PDE1A: variants seen among roughly 807,000 people sequenced by gnomAD.
PDE1A encodes phosphodiesterase 1A.
PDE1A carries 35 observed loss-of-function variants against 61.7 expected under a neutral mutation model. The observed-to-expected ratio is 0.57, with a 90% CI of 0.43 to 0.75. PDE1A has a LOEUF of 0.75. Ranked by LOEUF, PDE1A falls within the 30% of genes least tolerant of loss-of-function variation. The probability of loss-of-function intolerance (pLI) is 0.00; values close to 1 mark genes in which losing one functional copy is unlikely to be tolerated. For synonymous variants in PDE1A, 232 were observed against 213.2 expected (o/e 1.09, Z -0.77); for missense variants, 597 against 630.6 (o/e 0.95, Z 0.57).
intron 1 of PDE1A, among the ~76,000 whole-genome samples, chr2:182,318,447 C>T (rs1443116836): frequency 1.3e-5 from 2 of 152,096 alleles, no homozygotes; most frequent in Non-Finnish European, 2.9e-5. Context: ...TTTCAATATC[C>T]TTCATTTAGA....
chr2:182,168,541 A>C (rs1691818581), intron 13 of PDE1A, among the ~76,000 whole-genome samples: 1 of 151,962 alleles, frequency 6.6e-6, no homozygotes, highest in Non-Finnish European at 1.5e-5. Flanking sequence ...TTATAACTCA[A>C]CTTATTTTTT....
intron 2 of PDE1A, among the ~76,000 whole-genome samples, chr2:182,448,733 T>C (rs879833747): frequency 6.6e-6 from 1 of 152,088 alleles, no homozygotes; most frequent in African/African-American, 2.4e-5. Context: ...GTTTGATGGA[T>C]AAAATCTAAA....
chr2:182,445,751 G>C (rs1247111558), intron 2 of PDE1A, among the ~76,000 whole-genome samples: 4 of 152,012 alleles, frequency 2.6e-5, no homozygotes, highest in African/African-American at 9.7e-5. Flanking sequence ...AAATATTGTT[G>C]TTTTTTCCAT....
chr2:182,704,211 GA>G, the PDE1A span, among the ~76,000 whole-genome samples: 18 of 120,196 alleles, frequency 1.5e-4, no homozygotes, highest in Admixed American at 5.8e-4. Context: ...ACTCCGTCTG[GA>G]AAAAAAAAAA....
intron 2 of PDE1A, among the ~76,000 whole-genome samples, chr2:182,492,830 A>G (rs909466052): frequency 6.6e-6 from 1 of 152,202 alleles, no homozygotes; most frequent in African/African-American, 2.4e-5. Context: ...ATAAAGTCTG[A>G]TTCTCAGAAA....
downstream of PDE1A, among the ~76,000 whole-genome samples, chr2:182,167,610 C>G (rs1345143172): frequency 1.3e-5 from 2 of 152,092 alleles, no homozygotes; most frequent in Non-Finnish European, 2.9e-5. Context: ...TACCCTTTCC[C>G]TCTTCGAAGA....
chr2:182,160,238 T>C (rs752522057), intron 13 of PDE1A, among the ~76,000 whole-genome samples: 19 of 152,170 alleles, frequency 1.2e-4, no homozygotes, highest in Non-Finnish European at 2.1e-4. Flanking sequence ...TTTATGTTTT[T>C]GGCTTTTCTT....
At chr2:182,496,547 C>T (rs1233536011) in intron 2 of PDE1A, among the ~76,000 whole-genome samples, 1 of 152,182 alleles carries the variant, frequency 6.6e-6, no homozygotes, top group Admixed American at 6.5e-5. Flanking sequence ...AAATCTATAT[C>T]CCTGGGCCAT....
At chr2:182,542,582 T>A in the PDE1A span, among the ~76,000 whole-genome samples, 9 of 152,220 alleles carry the variant, frequency 5.9e-5, 1 homozygote, top group Non-Finnish European at 7.3e-5. Flanking sequence ...TTAAATTTTT[T>A]ATAAATCTCA....
the PDE1A span, among the ~76,000 whole-genome samples, chr2:182,641,687 C>A: frequency 6.6e-6 from 1 of 152,106 alleles, no homozygotes; most frequent in African/African-American, 2.4e-5. Flanking sequence ...ATTTTACAAC[C>A]CGAATAATGA....
chr2:182,150,799 G>A (rs1690737533), intron 13 of PDE1A, among the ~76,000 whole-genome samples: 1 of 152,080 alleles, frequency 6.6e-6, no homozygotes, highest in African/African-American at 2.4e-5. Flanking sequence ...CTTTTAGATT[G>A]CAATTTAAGC....
the PDE1A span, among the ~76,000 whole-genome samples, chr2:182,541,283 G>C: frequency 6.6e-6 from 1 of 152,182 alleles, no homozygotes; most frequent in Admixed American, 6.5e-5. Context: ...ACTGGGTTCA[G>C]GTTCTGGCCC....
At chr2:182,378,730 C>T (rs1218927363) in intron 1 of PDE1A, among the ~76,000 whole-genome samples, 7 of 152,132 alleles carry the variant, frequency 4.6e-5, no homozygotes, top group Non-Finnish European at 8.8e-5. Context: ...AAAATGCTAC[C>T]ATATATGACT....
the PDE1A span, among the ~76,000 whole-genome samples, chr2:182,560,782 T>C: frequency 2.0e-5 from 3 of 151,908 alleles, no homozygotes; most frequent in African/African-American, 7.2e-5. Context: ...GGTATCTCAT[T>C]GTGGTTTTGA....
chr2:182,655,987 C>T, the PDE1A span, among the ~76,000 whole-genome samples: 524 of 152,342 alleles, frequency 3.4e-3, 5 homozygotes, highest in Middle Eastern at 6.8e-3. Flanking sequence ...TCACAGTGTC[C>T]TGATTGATGG....
the PDE1A span, among the ~76,000 whole-genome samples, chr2:182,589,817 G>A: frequency 2.0e-5 from 3 of 152,114 alleles, no homozygotes; most frequent in African/African-American, 7.2e-5. Context: ...CACAAGCCTG[G>A]TCAATGGAAG....
the PDE1A span, among the ~76,000 whole-genome samples, chr2:182,700,721 C>CAAAAAAAAAAAA: frequency 0.017 from 416 of 23,964 alleles, 54 homozygotes; most frequent in East Asian, 0.065. Context: ...GACTCCATCT[C>CAAAAAAAAAAAA]AAAAAAAAAA....
At chr2:182,235,602 C>T (rs1435815022) in intron 3 of PDE1A, among the ~76,000 whole-genome samples, 1 of 152,074 alleles carries the variant, frequency 6.6e-6, no homozygotes, top group East Asian at 1.9e-4. Context: ...TGCTTCTATT[C>T]GGGACTCTGA....
At chr2:182,223,098 A>T (rs1359465302) in intron 7 of PDE1A, among the ~76,000 whole-genome samples, 1 of 152,004 alleles carries the variant, frequency 6.6e-6, no homozygotes, top group Non-Finnish European at 1.5e-5. Flanking sequence ...GTGGGGCCCA[A>T]GTCCGTTATG....
Sources: allele counts gnomAD v4.1 joint callset (sites outside exome capture counted in the v4.1 genomes callset), GRCh38; gene constraint gnomAD v4.1.1; transcripts MANE v1.5; gene names NCBI Gene and HGNC (gene_info 2026-07-23, HGNC 2026-07-21).